The following SPTBN4 variants were observed in gnomAD, a reference collection of about 807,000 sequenced individuals.
The protein encoded by SPTBN4 is spectrin beta, non-erythrocytic 4.
In SPTBN4, 96 loss-of-function variants were observed where a neutral mutation model predicts 277.8. That is an observed-to-expected ratio of 0.35 (90% confidence interval 0.29 to 0.41). The LOEUF is 0.41. SPTBN4 is among the 10% of genes least tolerant of loss of function. SPTBN4 has a pLI of 1.00. For missense variants in SPTBN4, 3,006 were observed against 3,595.7 expected, an observed-to-expected ratio of 0.84 and a Z score of 4.19; for synonymous variants, 1,481 against 1,580.3, an observed-to-expected ratio of 0.94 and a Z score of 1.49.
Position 40,575,279 on chromosome 19 carries a change from C to T in SPTBN4, c.7537-132C>T, listed in dbSNP as rs1335167944. On this transcript the variant is annotated intron_variant, in intron 35 of 35. Transcript: ENST00000598249. ...CCTGGCACATATTGCTATGTAACTG[C>T]ATCATCATCATCATCCCTTTTTAAT... is the stretch of plus-strand genomic sequence containing the variant. 3.9e-6 allele frequency: 4 copies of T among 1,036,046 alleles called. No individual in the cohort carries two copies. In the Admixed American group the frequency reaches 8.4e-5, roughly 22 times the overall value. The allele number at this position is 1,036,046 out of a possible 1,614,324, so 64.2% of individuals were successfully genotyped here. A position where few individuals can be genotyped will look rare whatever the true frequency, so the allele number is the denominator to read the frequency against.
intron 1 of SPTBN4, among the ~76,000 whole-genome samples, chr19:40,468,523 C>T (rs904784928): frequency 2.0e-5 from 3 of 152,096 alleles, no homozygotes; most frequent in Non-Finnish European, 2.9e-5. Context: ...ACTACAGACA[C>T]GTGCCACCAC....
intron 3 of SPTBN4, among the ~76,000 whole-genome samples, chr19:40,489,679 C>T (rs1337246823): frequency 2.0e-5 from 3 of 152,186 alleles, no homozygotes; most frequent in Admixed American, 6.5e-5. Flanking sequence ...TGAGCCACTA[C>T]GCCGGGGCGG....
intron 1 of SPTBN4, among the ~76,000 whole-genome samples, chr19:40,472,064 C>T (rs997635018): frequency 7.9e-5 from 12 of 152,050 alleles, no homozygotes; most frequent in African/African-American, 2.9e-4. Flanking sequence ...GCATACTCCA[C>T]CTCGCCTGGA....
chr19:40,502,689 A>T lies in SPTBN4; in HGVS notation c.1204-86A>T. 1.3e-6 allele frequency: 2 copies of T among 1,537,622 alleles called. No individual in the cohort carries two copies. The highest frequency in any genetic ancestry group is 1.8e-6 in the Non-Finnish European group (2 of 1,142,170). On this transcript the variant is annotated intron_variant, in intron 10 of 35. Transcript: ENST00000598249. The surrounding 1 kb of genome is among the most constrained non-coding windows in gnomAD (Gnocchi z 4.9). ...TTCCAATTTGCATGAAGTTGCCATA[A>T]TGCTATGAGTGACCTCAGACTAAGT...
intron 27 of SPTBN4, among the ~76,000 whole-genome samples, chr19:40,562,288 G>C (rs1463259082): frequency 6.6e-6 from 1 of 152,138 alleles, no homozygotes; most frequent in African/African-American, 2.4e-5. Flanking sequence ...CCAGCACTTT[G>C]GGAGGCCAAG....
At chr19:40,511,494 G>A (rs919899452) in intron 13 of SPTBN4, among the ~76,000 whole-genome samples, 10 of 152,164 alleles carry the variant, frequency 6.6e-5, no homozygotes, top group Non-Finnish European at 4.4e-5. Context: ...GATATTTTCC[G>A]TTCCTTCTAT....
Position 40,490,149 on chromosome 19 carries a change from G to A in SPTBN4, c.396G>A (p.Glu132=). Residue 132 remains glutamate (E), a synonymous_variant, in exon 4 of 36, where the codon GAG becomes GAA. Transcript: ENST00000598249. The surrounding 1 kb of genome is among the most constrained non-coding windows in gnomAD (Gnocchi z 4.3). ...NVDKALQFLK[E]QRVHLENVGS... ...ACAAGGCGCTGCAGTTTCTGAAGGA[G>A]CAGCGCGTGCACCTGGAGAACGTGG... The A allele has an allele frequency of 6.2e-7, 1 of 1,614,234 alleles. No homozygotes were observed. The highest frequency in any genetic ancestry group is 8.5e-7 in the Non-Finnish European group (1 of 1,180,044).
chr19:40,498,650 C>T (rs2080229662), intron 7 of SPTBN4, among the ~76,000 whole-genome samples: 2 of 151,650 alleles, frequency 1.3e-5, no homozygotes, highest in Admixed American at 1.3e-4. Flanking sequence ...TATGGTCCAC[C>T]TCCTTGGCCT....
rs1341844813 is a variant in SPTBN4 at position 40,467,177 on chromosome 19, G to T, written c.-144G>T. On this transcript the variant is annotated 5_prime_UTR_variant, in exon 1 of 36. Transcript: ENST00000598249. ...CGGCGCATGCGGATCTGGCTGAGCC[G>T]CGGGCCGGCGGGGCCGAGCTGAGCC... 1 of 149,478 alleles carries T rather than the reference G, an allele frequency of 6.7e-6. No homozygotes were observed. Among genetic ancestry groups the T allele is most frequent in the Non-Finnish European group, 1.5e-5 (1 of 66,704 alleles). The allele number at this position is 149,478 out of a possible 1,614,324, so 9.3% of individuals were successfully genotyped here.
chr19:40,570,597 G>A lies in SPTBN4; in HGVS notation c.7188G>A (p.Arg2396=). 1 of 1,379,932 alleles carries A rather than the reference G, an allele frequency of 7.2e-7. No homozygotes were observed. The highest frequency in any genetic ancestry group is 3.1e-5 in the East Asian group (1 of 32,578). The allele number at this position is 1,379,932 out of a possible 1,614,324, so 85.5% of individuals were successfully genotyped here. ...AGGGTGGTGAGGGCGGGGGAAGCCG[G>A]CGCTCGCGCTCCGCCCCGGCCCAGG... The part of the protein sequence containing the change: ...PREGGEGGGS[R]RSRSAPAQGG... The change falls in exon 33 of 36, where the codon CGG becomes CGA. Residue 2396 remains arginine (R), a synonymous_variant. Transcript: ENST00000598249.
In SPTBN4 at chr19:40,557,091, T is replaced by C. The variant is rs547047605; in HGVS notation, c.5358T>C (p.Ala1786=). 2 of 1,588,232 alleles carry C rather than the reference T, an allele frequency of 1.3e-6. No homozygotes were observed. Among genetic ancestry groups the C allele is most frequent in the East Asian group, 2.3e-5 (1 of 43,462 alleles). Residue 1786 remains alanine, a synonymous_variant, in exon 26 of 36, where the codon GCT becomes GCC. Transcript: ENST00000598249. ...TGGCAGGGCGGGAACGGCTGGCAGCTGTGAACCAGATGGTGGATGAGCTGA... is the reference window on the plus strand; with the variant it reads ...TGGCAGGGCGGGAACGGCTGGCAGCCGTGAACCAGATGGTGGATGAGCTGA... ...TGMAGRERLA[A]VNQMVDELIE...
chr19:40,498,434 C>G (rs2145841252), intron 7 of SPTBN4, among the ~76,000 whole-genome samples: 1 of 150,208 alleles, frequency 6.7e-6, no homozygotes, highest in East Asian at 2.0e-4. Flanking sequence ...TAGATGGAGT[C>G]TCACTCTGTC....
chr19:40,559,356 G>T (rs1298494459), intron 26 of SPTBN4, among the ~76,000 whole-genome samples: 1 of 152,182 alleles, frequency 6.6e-6, no homozygotes, highest in Non-Finnish European at 1.5e-5. Flanking sequence ...AACCAACAGA[G>T]TGAGCAGCAG....
intron 32 of SPTBN4, 150 bp downstream of exon 32, chr19:40,569,876 A>C: frequency 1.4e-6 from 1 of 722,490 alleles, no homozygotes; most frequent in Non-Finnish European, 2.1e-6. Context: ...GGTCCCCAGA[A>C]TCTGAAAATG....
At chr19:40,484,960 A>C (rs547661190) in intron 2 of SPTBN4, among the ~76,000 whole-genome samples, 19 of 149,078 alleles carry the variant, frequency 1.3e-4, no homozygotes, top group South Asian at 4.2e-4. Flanking sequence ...AAACCAAAAA[A>C]CAAAAAACAA....
At chr19:40,525,468 T>C (rs2080579682) in intron 17 of SPTBN4, among the ~76,000 whole-genome samples, 1 of 151,934 alleles carries the variant, frequency 6.6e-6, no homozygotes, top group South Asian at 2.1e-4. Context: ...ACTATAGGTG[T>C]GAGCCACTGA....
In SPTBN4 at chr19:40,513,192, C is replaced by A; in HGVS notation, c.2403C>A (p.Phe801Leu). 2.0e-6 allele frequency: 3 copies of A among 1,504,228 alleles called. No homozygotes were observed. The highest frequency in any genetic ancestry group is 2.6e-6 in the Non-Finnish European group (3 of 1,134,920). 93.2% of individuals were successfully genotyped at this position (1,504,228 alleles called of 1,614,324 possible). A position where few individuals can be genotyped will look rare whatever the true frequency, so the allele number is the denominator to read the frequency against. ...ACCGCCTGGCAGCCGCCGGTGACTT[C>A]GGCCACGACGAAGCTTCCAGCCGCC... ...DAYRLAAAGD[F>L]GHDEASSRRL... The change falls in exon 14 of 36, where the codon TTC becomes TTA. Residue 801 changes from phenylalanine to leucine, a missense_variant. Around this residue, in one of 5 missense-constraint regions of SPTBN4, gnomAD observed 1,759 missense variants for 2,061.5 expected, o/e 0.85. Coordinates refer to ENST00000598249, the MANE Select transcript of SPTBN4 (RefSeq NM_020971.3).
At chr19:40,555,182 C>T (rs1363281894) in intron 24 of SPTBN4, 1 of 152,546 alleles carries the variant, frequency 6.6e-6, no homozygotes, top group African/African-American at 2.4e-5. Context: ...GGGACCCAAC[C>T]TGGGAGTCCA....
chr19:40,564,814 G>A (rs2081075341), intron 27 of SPTBN4, among the ~76,000 whole-genome samples: 2 of 151,502 alleles, frequency 1.3e-5, no homozygotes, highest in Admixed American at 1.3e-4. Context: ...TCCAGTCTGG[G>A]CAACAGAGCA....
Sources: gnomAD v4.1 joint callset for allele counts (sites outside exome capture counted in the v4.1 genomes callset) on GRCh38, gnomAD v4.1.1 for gene constraint, gnomAD v4.1.1 regional missense constraint, Gnocchi (gnomAD v3.1) non-coding constraint, MANE v1.5 for transcripts, NCBI Gene and HGNC (gene_info 2026-07-23, HGNC 2026-07-21) for gene names.